MED6: variants seen among roughly 807,000 people sequenced by gnomAD.
MED6 encodes the protein mediator complex subunit 6.
MED6 carries 33 observed loss-of-function variants against 37.5 expected under a neutral mutation model. The observed-to-expected ratio is 0.88, with a 90% CI of 0.67 to 1.18. MED6 has a LOEUF of 1.18. MED6 is among the 50% of genes most tolerant of loss of function. The probability of loss-of-function intolerance (pLI) is 0.00; values close to 1 mark genes in which losing one functional copy is unlikely to be tolerated. For missense variants in MED6, 235 were observed against 290.6 expected (o/e 0.81, Z 1.39); for synonymous variants, 94 against 93.6 (o/e 1.00, Z -0.02).
At chr14:70,594,620 C>T (rs576847935) in intron 3 of MED6, 16 of 418,296 alleles carry the variant, frequency 3.8e-5, no homozygotes, top group East Asian at 2.2e-4. Flanking sequence ...CGCCCAGCTG[C>T]GGCACCCAGC....
rs774680180 is a variant in MED6, at chr14:70,584,934, G to C, written c.620C>G (p.Thr207Arg). ...TGGTATAGGTTCTGCCTCTTTCTTT[G>C]TTTGATCCACTAGATATCAAAAGTA... ...PGEKPVPVDQTKKEAEPIPET... is the reference protein window; with the variant it reads ...PGEKPVPVDQRKKEAEPIPET... The change falls in exon 8 of 8, where the codon ACA becomes AGA. Residue 207 changes from threonine to arginine, a missense_variant. By Grantham distance (71) the Thr-to-Arg change is moderately conservative. Transcript: ENST00000256379. 1.3e-5 allele frequency: 21 copies of C among 1,613,288 alleles called. No homozygotes were observed. The highest frequency in any genetic ancestry group is 5.5e-5 in the South Asian group (5 of 91,010).
chr14:70,588,187 A>C (rs1884765191), intron 6 of MED6, among the ~76,000 whole-genome samples: 1 of 152,174 alleles, frequency 6.6e-6, no homozygotes, highest in African/African-American at 2.4e-5. Context: ...AAAGATTATT[A>C]ATAGTTCTAG....
At chr14:70,592,065 T>C (rs1884887356) in intron 5 of MED6, among the ~76,000 whole-genome samples, 1 of 152,212 alleles carries the variant, frequency 6.6e-6, no homozygotes, top group South Asian at 2.1e-4. Context: ...CTTTCCTTCA[T>C]CAAATGTTCC....
chr14:70,598,341 G>T (rs112361541), intron 1 of MED6, among the ~76,000 whole-genome samples: 1,635 of 152,194 alleles, frequency 0.011, 18 homozygotes, highest in African/African-American at 0.032. Context: ...CGGGCATGGT[G>T]GTGGACACCT....
intron 7 of MED6, 132 bp from the exon 8 acceptor site, chr14:70,585,075 C>T: frequency 9.3e-7 from 1 of 1,079,020 alleles, no homozygotes; most frequent in Non-Finnish European, 1.3e-6. Flanking sequence ...CTAGCTGTTT[C>T]CCCAGGCAGA....
At chr14:70,597,334 T>C (rs988676742) in intron 2 of MED6, among the ~76,000 whole-genome samples, 14 of 152,240 alleles carry the variant, frequency 9.2e-5, no homozygotes, top group African/African-American at 3.1e-4. Context: ...ACAATAATTA[T>C]AGTTGCCTGG....
chr14:70,595,297 C>T (rs566768459), intron 3 of MED6: 40 of 547,724 alleles, frequency 7.3e-5, no homozygotes, highest in South Asian at 5.8e-4. Context: ...CAGGAGACAT[C>T]CTAATACGAA....
chr14:70,584,679 T>C lies in MED6; in HGVS notation c.*134A>G. On this transcript the variant is annotated 3_prime_UTR_variant, in exon 8 of 8. Transcript: ENST00000256379. Reference sequence around the variant, plus strand: ...GCGTGAGCCACCACATCCGGCCTAATATCCTTTCAAAAAATAAGCGCATTC... The same window carrying C: ...GCGTGAGCCACCACATCCGGCCTAACATCCTTTCAAAAAATAAGCGCATTC... The C allele has an allele frequency of 8.2e-7, 1 of 1,213,898 alleles. No homozygotes were observed. The allele number at this position is 1,213,898 out of a possible 1,614,324, so 75.2% of individuals were successfully genotyped here. A position where few individuals can be genotyped will look rare whatever the true frequency, so the allele number is the denominator to read the frequency against.
At chr14:70,593,143 G>A (rs1595051133) in intron 4 of MED6, 153 bp downstream of exon 4, 14 of 1,276,644 alleles carry the variant, frequency 1.1e-5, no homozygotes, top group South Asian at 4.2e-5. Flanking sequence ...TTTGAGCACC[G>A]ACTTGGCTCA....
At chr14:70,597,853 TC>T in intron 1 of MED6, 76 bp from the exon 2 acceptor site, 10 of 1,209,022 alleles carry the variant, frequency 8.3e-6, no homozygotes, top group Non-Finnish European at 1.0e-5. Flanking sequence ...TTATTATACA[TC>T]AAATGTAGTA....
In MED6 at chr14:70,584,842, GGCCTT is replaced by G; in HGVS notation, c.707_711del (p.Lys236ThrfsTer3). 6.2e-7 allele frequency: 1 copy of G among 1,613,870 alleles called. No homozygotes were observed. The highest frequency in any genetic ancestry group is 8.5e-7 in the Non-Finnish European group (1 of 1,179,952). ...TGAAGTCTCATCCGTTTTTCAGGGG[GGCCTT>G]TAGCACTCACTGTCTGTTGTACATT... On this transcript the variant is annotated frameshift_variant, in exon 8 of 8. Transcript: ENST00000256379. LOFTEE classifies it high-confidence loss of function.
chr14:70,585,807 A>G, intron 6 of MED6, 24 bp from the exon 7 acceptor site: 1 of 1,598,900 alleles, frequency 6.3e-7, no homozygotes, highest in Non-Finnish European at 8.5e-7. Context: ...GAAAAAAGGG[A>G]GGGAGAGGAA....
At chr14:70,590,219 T>A (rs188480413) in intron 6 of MED6, among the ~76,000 whole-genome samples, 28 of 152,310 alleles carry the variant, frequency 1.8e-4, no homozygotes, top group African/African-American at 6.3e-4. Context: ...CTGGCCTACC[T>A]AGCATACACT....
chr14:70,596,017 G>A (rs1184886943), intron 3 of MED6, among the ~76,000 whole-genome samples: 2 of 152,210 alleles, frequency 1.3e-5, no homozygotes, highest in Non-Finnish European at 2.9e-5. Flanking sequence ...CCTTGGGCAT[G>A]CTCCAAGAGT....
Position 70,584,612 on chromosome 14 carries a change from G to A in MED6, c.*201C>T. 1 of 532,416 alleles carries A rather than the reference G, an allele frequency of 1.9e-6. No individual in the cohort carries two copies. Among genetic ancestry groups the A allele is most frequent in the Admixed American group, 3.8e-5 (1 of 26,470 alleles). 33.0% of individuals were successfully genotyped at this position (532,416 alleles called of 1,614,324 possible). A position where few individuals can be genotyped will look rare whatever the true frequency, so the allele number is the denominator to read the frequency against. On this transcript the variant is annotated 3_prime_UTR_variant, in exon 8 of 8. Transcript: ENST00000256379. ...GCTGGTCTTGAACTTCTGACCTCAAGTGATCCACCCGCCATGGCCTCCCAA... is the reference window on the plus strand; with the variant it reads ...GCTGGTCTTGAACTTCTGACCTCAAATGATCCACCCGCCATGGCCTCCCAA...
chr14:70,598,973 T>C (rs1047024333), intron 1 of MED6, among the ~76,000 whole-genome samples: 9 of 152,240 alleles, frequency 5.9e-5, no homozygotes, highest in African/African-American at 1.9e-4. Context: ...AATTAAATCA[T>C]AGCTTTTAAA....
chr14:70,585,808 G>A (rs771507317), intron 6 of MED6, 25 bp from the exon 7 acceptor site: 3 of 1,597,474 alleles, frequency 1.9e-6, no homozygotes, highest in African/African-American at 1.3e-5. Flanking sequence ...AAAAAAGGGA[G>A]GGAGAGGAAG....
chr14:70,586,267 A>T (rs1478274908), intron 6 of MED6, among the ~76,000 whole-genome samples: 1 of 152,214 alleles, frequency 6.6e-6, no homozygotes, highest in Non-Finnish European at 1.5e-5. Flanking sequence ...ATTTCTGATG[A>T]GTCTATTATT....
chr14:70,587,227 T>G (rs1380167288), intron 6 of MED6, among the ~76,000 whole-genome samples: 2 of 152,198 alleles, frequency 1.3e-5, no homozygotes, highest in African/African-American at 2.4e-5. Flanking sequence ...TAAGAAAGCC[T>G]GCACATAGAT....
Sources: allele counts gnomAD v4.1 joint callset (sites outside exome capture counted in the v4.1 genomes callset), GRCh38; gene constraint gnomAD v4.1.1; transcripts MANE v1.5; gene names NCBI Gene and HGNC (gene_info 2026-07-23, HGNC 2026-07-21).